The following CELF2 variants were observed in gnomAD, a reference collection of about 807,000 sequenced individuals.
The protein encoded by CELF2 is CUGBP Elav-like family member 2.
CELF2 carries 8 observed loss-of-function variants against 62.6 expected under a neutral mutation model. That is an observed-to-expected ratio of 0.13 (90% confidence interval 0.07 to 0.23). CELF2 has a LOEUF of 0.23. Among genes scored for constraint, CELF2 ranks in the 10% least tolerant of loss-of-function variants. The pLI is 1.00. For synonymous variants in CELF2, 258 were observed against 250.0 expected (o/e 1.03, Z -0.30); for missense variants, 333 against 671.0 (o/e 0.50, Z 5.56).
chr10:11,127,272 T>C (rs892467532), intron 1 of CELF2, among the ~76,000 whole-genome samples: 2 of 152,226 alleles, frequency 1.3e-5, no homozygotes, highest in Non-Finnish European at 2.9e-5. Context: ...ATGTGCCATA[T>C]TTTATTAATC....
chr10:10,470,544 G>A, the CELF2 span, among the ~76,000 whole-genome samples: 1 of 151,818 alleles, frequency 6.6e-6, no homozygotes, highest in Admixed American at 6.6e-5. Flanking sequence ...CCTTCTGGAA[G>A]TCACACATAT....
intron 4 of CELF2, 23 bp from the exon 5 acceptor site, chr10:11,257,715 C>T (rs376038019): frequency 3.5e-5 from 56 of 1,610,150 alleles, no homozygotes; most frequent in African/African-American, 3.2e-4. Context: ...GGCCTTTGCT[C>T]ATTCGTTATT....
chr10:10,881,043 TA>T (rs1482342566), intron 1 of CELF2, among the ~76,000 whole-genome samples: 33 of 152,226 alleles, frequency 2.2e-4, no homozygotes, highest in African/African-American at 7.7e-4. Context: ...ATTGCTACAG[TA>T]AATAGATTCT....
At chr10:11,228,249 G>A (rs752154248) in intron 3 of CELF2, among the ~76,000 whole-genome samples, 1 of 152,182 alleles carries the variant, frequency 6.6e-6, no homozygotes, top group Non-Finnish European at 1.5e-5. Context: ...AGTATTAAAA[G>A]TAGTGGTAAC....
At chr10:11,086,357 C>T (rs145623899) in intron 1 of CELF2, among the ~76,000 whole-genome samples, 1 of 152,070 alleles carries the variant, frequency 6.6e-6, no homozygotes, top group African/African-American at 2.4e-5. Flanking sequence ...AAGTGAGCTG[C>T]GTCTTTGTGT....
chr10:10,551,214 T>A, the CELF2 span, among the ~76,000 whole-genome samples: 1 of 152,084 alleles, frequency 6.6e-6, no homozygotes, highest in African/African-American at 2.4e-5. Context: ...TGTTCAAGGG[T>A]CAACTGTAGT....
chr10:11,218,385 G>T (rs888634116), intron 3 of CELF2, among the ~76,000 whole-genome samples: 1 of 152,178 alleles, frequency 6.6e-6, no homozygotes, highest in Non-Finnish European at 1.5e-5. Flanking sequence ...TTCTACCTTT[G>T]TGTCTTTTAT....
intron 8 of CELF2, among the ~76,000 whole-genome samples, chr10:11,275,449 C>T (rs1284826531): frequency 1.3e-5 from 2 of 152,162 alleles, no homozygotes; most frequent in Non-Finnish European, 2.9e-5. Flanking sequence ...TGGGGGCTTT[C>T]CATCCAGATT....
chr10:11,238,474 T>C (rs1348246926), intron 3 of CELF2, among the ~76,000 whole-genome samples: 1 of 152,256 alleles, frequency 6.6e-6, no homozygotes, highest in Non-Finnish European at 1.5e-5. Flanking sequence ...AACTTTTAAA[T>C]AAAAACTAGT....
chr10:11,092,041 A>T (rs1241586432), intron 1 of CELF2, among the ~76,000 whole-genome samples: 2 of 150,202 alleles, frequency 1.3e-5, no homozygotes, highest in Non-Finnish European at 3.0e-5. Context: ...AACTAGACAT[A>T]CATCTAGAAT....
At chr10:10,834,232 T>G (rs1330718269) in intron 1 of CELF2, among the ~76,000 whole-genome samples, 1 of 152,174 alleles carries the variant, frequency 6.6e-6, no homozygotes, top group African/African-American at 2.4e-5. Context: ...TACTGCGTGT[T>G]CTCACGTATA....
intron 2 of CELF2, chr10:10,935,487 G>A (rs1398370382): frequency 1.3e-5 from 2 of 152,176 alleles, no homozygotes; most frequent in Non-Finnish European, 2.9e-5. Flanking sequence ...GGGAAAATAG[G>A]TCATACAGTG....
chr10:10,615,096 C>A, the CELF2 span, among the ~76,000 whole-genome samples: 1 of 152,096 alleles, frequency 6.6e-6, no homozygotes, highest in Non-Finnish European at 1.5e-5. Context: ...CTGTTAAATT[C>A]TAGTCCCTGA....
chr10:10,761,519 GT>G, the CELF2 span, among the ~76,000 whole-genome samples: 1 of 152,184 alleles, frequency 6.6e-6, no homozygotes, highest in Non-Finnish European at 1.5e-5. Context: ...CTGTGAGGGT[GT>G]TTTGGGATGA....
intron 2 of CELF2, among the ~76,000 whole-genome samples, chr10:11,202,844 C>T (rs1205273708): frequency 1.3e-5 from 2 of 150,704 alleles, no homozygotes; most frequent in African/African-American, 2.4e-5. Context: ...TTGCCTAGAG[C>T]ATTTTAGCTC....
intron 2 of CELF2, among the ~76,000 whole-genome samples, chr10:10,950,911 C>A (rs1225905455): frequency 1.3e-5 from 2 of 152,174 alleles, no homozygotes; most frequent in Non-Finnish European, 2.9e-5. Context: ...CAGAAAACAC[C>A]TTGGCAGTCA....
At chr10:10,584,925 A>C in the CELF2 span, among the ~76,000 whole-genome samples, 1 of 152,166 alleles carries the variant, frequency 6.6e-6, no homozygotes, top group African/African-American at 2.4e-5. Flanking sequence ...GGGCAGTTCT[A>C]AAGTCTAAGA....
At chr10:11,253,722 T>G (rs1360517747) in intron 4 of CELF2, among the ~76,000 whole-genome samples, 1 of 152,194 alleles carries the variant, frequency 6.6e-6, no homozygotes, top group African/African-American at 2.4e-5. Flanking sequence ...ATTTAAAGTA[T>G]TAACCCATTC....
chr10:10,959,891 T>G (rs2049299151), intron 2 of CELF2, among the ~76,000 whole-genome samples: 1 of 152,220 alleles, frequency 6.6e-6, no homozygotes, highest in Non-Finnish European at 1.5e-5. Flanking sequence ...ATTATCGTTT[T>G]CCTTTTCAAT....
Sources: allele counts gnomAD v4.1 joint callset (sites outside exome capture counted in the v4.1 genomes callset), GRCh38; gene constraint gnomAD v4.1.1; transcripts MANE v1.5; gene names NCBI Gene and HGNC (gene_info 2026-07-23, HGNC 2026-07-21).